The following ABI3BP variants were observed in gnomAD, a reference collection of about 807,000 sequenced individuals.
The protein encoded by ABI3BP is ABI family member 3 binding protein.
In ABI3BP, 216 loss-of-function variants were observed where a neutral mutation model predicts 268.6. The observed-to-expected ratio is 0.80, with a 90% CI of 0.72 to 0.90. The LOEUF is 0.90. Ranked by LOEUF, ABI3BP falls within the 40% of genes least tolerant of loss-of-function variation. The pLI, the probability that ABI3BP is intolerant of heterozygous loss-of-function variation, is 0.00. For synonymous variants in ABI3BP, 730 were observed against 730.0 expected, an observed-to-expected ratio of 1.00 and a Z score of 0.00; for missense variants, 2,090 against 2,182.4, an observed-to-expected ratio of 0.96 and a Z score of 0.84.
In ABI3BP at chr3:100,787,742, T is replaced by C. The variant is rs1486123914; in HGVS notation, c.4148A>G (p.Asn1383Ser). The change falls in exon 57 of 68, where the codon AAT (asparagine) becomes AGT (serine). Residue 1383 changes from asparagine to serine, a missense_variant. Transcript: ENST00000471714. ...RPKPSGMPSG[N>S]GVGTGVKQAP... ...GTGATTATTACCTGTTCCCACTCCA[T>C]TCCCACTGGGCATCCCACTGGGTTT... 2.0e-6 allele frequency: 3 copies of C among 1,531,860 alleles called. No individual in the cohort carries two copies. The African/African-American group carries it at 4.1e-5, about 21-fold the overall frequency. 94.9% of individuals were successfully genotyped at this position (1,531,860 alleles called of 1,614,324 possible). A position where few individuals can be genotyped will look rare whatever the true frequency, so the allele number is the denominator to read the frequency against.
chr3:100,896,688 T>C (rs1011619864), intron 4 of ABI3BP, among the ~76,000 whole-genome samples: 2 of 152,098 alleles, frequency 1.3e-5, no homozygotes, highest in African/African-American at 4.8e-5. Context: ...AATCCATAAG[T>C]GTTTATTTTC....
At chr3:100,823,332 G>A in intron 37 of ABI3BP, 126 bp downstream of exon 37, 1 of 781,082 alleles carries the variant, frequency 1.3e-6, no homozygotes, top group East Asian at 2.8e-5. Flanking sequence ...ACAGTTAAGA[G>A]TCTTATAATT....
intron 1 of ABI3BP, among the ~76,000 whole-genome samples, chr3:100,951,565 C>A (rs576065280): frequency 3.3e-5 from 5 of 152,060 alleles, no homozygotes; most frequent in Non-Finnish European, 5.9e-5. Flanking sequence ...TTTGTTGATG[C>A]GGTCAGGCTC....
chr3:100,749,419 T>C lies in ABI3BP; in HGVS notation c.*1076A>G. ...GTAGCGTTGATAAGATTGAAGCATG[T>C]TGAAAGGTAAGTACAGGGAAAGGTC... is the stretch of plus-strand genomic sequence containing the variant. On this transcript the variant is annotated 3_prime_UTR_variant, in exon 68 of 68. Transcript: ENST00000471714. 1 of 384,566 alleles carries C rather than the reference T, an allele frequency of 2.6e-6. No homozygotes were observed. The highest frequency in any genetic ancestry group is 4.5e-5 in the Admixed American group (1 of 22,362). 23.8% of individuals were successfully genotyped at this position (384,566 alleles called of 1,614,324 possible).
chr3:100,887,833 C>T (rs1486303577), intron 4 of ABI3BP, among the ~76,000 whole-genome samples: 1 of 151,976 alleles, frequency 6.6e-6, no homozygotes, highest in Non-Finnish European at 1.5e-5. Context: ...AAAACAATCC[C>T]AGTATCTAGA....
chr3:100,903,438 T>C (rs2079174545), intron 2 of ABI3BP, among the ~76,000 whole-genome samples: 1 of 152,222 alleles, frequency 6.6e-6, no homozygotes, highest in South Asian at 2.1e-4. Context: ...CATATGTAAA[T>C]AAACCAAATA....
intron 55 of ABI3BP, among the ~76,000 whole-genome samples, chr3:100,791,504 A>G (rs2097196424): frequency 6.6e-6 from 1 of 151,938 alleles, no homozygotes. Context: ...CAGAAATTAA[A>G]GAGATTTGCA....
chr3:100,761,571 T>G (rs2095951234), intron 63 of ABI3BP, among the ~76,000 whole-genome samples: 1 of 152,206 alleles, frequency 6.6e-6, no homozygotes. Flanking sequence ...TTTTTGAGCT[T>G]CTGGCAGGCT....
rs75247355 is a variant in ABI3BP at position 100,828,305 on chromosome 3, A to G, written c.2602+88T>C. On this transcript the variant is annotated intron_variant, in intron 34 of 67. Coordinates refer to ENST00000471714, the MANE Select transcript of ABI3BP (RefSeq NM_001375547.2). ...ATGCATGTTCAACCGTTACAAAACCAAAAATGTAATTGAATGGCAATATAC... is the reference window on the plus strand; with the variant it reads ...ATGCATGTTCAACCGTTACAAAACCGAAAATGTAATTGAATGGCAATATAC... The G allele has an allele frequency of 3.7e-4, 489 of 1,307,214 alleles. 3 individuals are homozygous for G. In the East Asian group the frequency reaches 0.012, roughly 31 times the overall value. The allele number at this position is 1,307,214 out of a possible 1,614,324, so 81.0% of individuals were successfully genotyped here.
Position 100,754,673 on chromosome 3 carries a change from T to C in ABI3BP, c.4869A>G (p.Lys1623=), listed in dbSNP as rs1559805764. The C allele has an allele frequency of 1.9e-6, 3 of 1,587,888 alleles. No individual in the cohort carries two copies. Among genetic ancestry groups the C allele is most frequent in the Non-Finnish European group, 1.7e-6 (2 of 1,165,750 alleles). ...KPNTSYEFQV[K]PKNPLGEGPV... is the part of the protein sequence containing the mutation. ...GGCCTTCACCAAGCGGGTTTTTGGGTTTCACCTGGAATTCATAACTGTTTA... is the reference window on the plus strand; with the variant it reads ...GGCCTTCACCAAGCGGGTTTTTGGGCTTCACCTGGAATTCATAACTGTTTA... Residue 1623 remains lysine (K), a synonymous_variant, in exon 64 of 68, where the codon AAA becomes AAG. Transcript: ENST00000471714.
chr3:100,807,240 A>T (rs997861547), intron 50 of ABI3BP, among the ~76,000 whole-genome samples: 1 of 151,954 alleles, frequency 6.6e-6, no homozygotes, highest in African/African-American at 2.4e-5. Flanking sequence ...TTTATTTAAT[A>T]ACTTGGTATA....
intron 4 of ABI3BP, among the ~76,000 whole-genome samples, chr3:100,895,945 T>C (rs1195529902): frequency 6.6e-6 from 1 of 152,174 alleles, no homozygotes; most frequent in East Asian, 1.9e-4. Flanking sequence ...ACAAAGACTT[T>C]AAATGTCGGT....
At chr3:100,886,751 T>C (rs1561284333) in intron 4 of ABI3BP, among the ~76,000 whole-genome samples, 1 of 151,930 alleles carries the variant, frequency 6.6e-6, no homozygotes, top group African/African-American at 2.4e-5. Flanking sequence ...ATGAAGGATA[T>C]GTTAGAGGTA....
At chr3:100,841,220 T>TTTTTTTTTTTTTTTTTTTTTTTTTTTG (rs1560681726) in intron 21 of ABI3BP, among the ~76,000 whole-genome samples, 4 of 119,548 alleles carry the variant, frequency 3.3e-5, no homozygotes, top group South Asian at 2.8e-4. Flanking sequence ...TTTTTTTTTT[T>TTTTTTTTTTTTTTTTTTTTTTTTTTTG]TTTTTTTGCT....
At chr3:100,873,839 T>G (rs776258901) in intron 9 of ABI3BP, among the ~76,000 whole-genome samples, 1 of 152,134 alleles carries the variant, frequency 6.6e-6, no homozygotes, top group Non-Finnish European at 1.5e-5. Flanking sequence ...GGTTTTGACA[T>G]AGGGTAATGC....
intron 1 of ABI3BP, among the ~76,000 whole-genome samples, chr3:100,938,456 A>G (rs2067284512): frequency 6.6e-6 from 1 of 152,122 alleles, no homozygotes; most frequent in Non-Finnish European, 1.5e-5. Flanking sequence ...ATTAAAAGGA[A>G]AAAACCATGG....
chr3:100,865,307 A>AT (rs1442726171), intron 10 of ABI3BP, among the ~76,000 whole-genome samples: 2 of 152,210 alleles, frequency 1.3e-5, no homozygotes, highest in Non-Finnish European at 1.5e-5. Flanking sequence ...ATAATAGTTT[A>AT]TTAAACGAAT....
intron 2 of ABI3BP, among the ~76,000 whole-genome samples, chr3:100,919,585 AT>A (rs1339952836): frequency 2.6e-5 from 4 of 152,220 alleles, no homozygotes; most frequent in Non-Finnish European, 5.9e-5. Context: ...TTGCTTTTAA[AT>A]TTTTGAAAAT....
At chr3:100,911,532 T>C (rs1294541514) in intron 2 of ABI3BP, 3 of 552,836 alleles carry the variant, frequency 5.4e-6, no homozygotes, top group South Asian at 4.0e-5. Context: ...CCTCTTGTAA[T>C]GAAGCATTAC....
Sources: allele counts gnomAD v4.1 joint callset (sites outside exome capture counted in the v4.1 genomes callset), GRCh38; gene constraint gnomAD v4.1.1; transcripts MANE v1.5; gene names NCBI Gene and HGNC (gene_info 2026-07-23, HGNC 2026-07-21).